Variants in BRIP1 observed in about 807,000 individuals in gnomAD.
The protein encoded by BRIP1 is Fanconi anemia group J protein.
Under a neutral mutation model 119.7 loss-of-function variants are expected in BRIP1, and 88 were observed. The observed-to-expected ratio is 0.74, with a 90% CI of 0.62 to 0.88. The LOEUF (loss-of-function observed/expected upper bound fraction) is 0.88. BRIP1 is among the 40% of genes least tolerant of loss of function. The probability of loss-of-function intolerance (pLI) is 0.00; values close to 1 mark genes in which losing one functional copy is unlikely to be tolerated. For missense variants in BRIP1, 1,259 were observed against 1,455.4 expected (o/e 0.87, Z 2.20); for synonymous variants, 443 against 496.5 (o/e 0.89, Z 1.43).
Position 61,757,057 on chromosome 17 carries a change from T to A in BRIP1, c.2098-12466A>T, listed in dbSNP as rs146567922. Among the ~76,000 whole-genome samples the A allele has an allele frequency of 1.1e-3, 168 of 152,344 alleles. 1 individual carries two copies. The highest frequency in any genetic ancestry group is 3.9e-3 in the African/African-American group (163 of 41,590). ...TTCATTTCATGAGGTACTCATATGT[T>A]TTAAATGTTTACTTTCTTTTATTCA... On this transcript the variant is annotated intron_variant, in intron 14 of 19. Coordinates refer to ENST00000259008, the MANE Select transcript of BRIP1 (RefSeq NM_032043.3). The surrounding 1 kb of genome is among the most constrained non-coding windows in gnomAD (Gnocchi z 4.3).
intron 16 of BRIP1, among the ~76,000 whole-genome samples, chr17:61,732,646 T>C (rs540549365): frequency 2.0e-5 from 3 of 152,328 alleles, no homozygotes; most frequent in Admixed American, 6.5e-5. Context: ...TTAAAAAAAG[T>C]TTGTTAAATG....
In BRIP1 at chr17:61,725,868, C is replaced by T. The variant is rs577143909; in HGVS notation, c.2380-9805G>A. The stretch of plus-strand genomic sequence containing the variant: ...TCTTGAACTCCTGGCCTCAAACAAT[C>T]CTCCTGTCTTGGCCTCCCAAAGCTG... On this transcript the variant is annotated intron_variant, in intron 16 of 19. Coordinates refer to ENST00000259008, the MANE Select transcript of BRIP1 (RefSeq NM_032043.3). This position sits in a 1 kb window ranked among gnomAD's most constrained non-coding sequence, Gnocchi z 5.3. 2.0e-5 allele frequency among the ~76,000 whole-genome samples: 3 copies of T among 152,312 alleles called. No homozygotes were observed. The South Asian group carries it at 6.2e-4, about 32-fold the overall frequency.
intron 14 of BRIP1, among the ~76,000 whole-genome samples, chr17:61,771,562 C>A (rs1233988053): frequency 6.6e-6 from 1 of 152,090 alleles, no homozygotes; most frequent in Non-Finnish European, 1.5e-5. Flanking sequence ...CATAAAATAA[C>A]AAGTATTGGC....
chr17:61,687,728 C>T lies in BRIP1; in HGVS notation c.2576-1563G>A, dbSNP rs189696480. Among the ~76,000 whole-genome samples the T allele has an allele frequency of 5.3e-5, 8 of 151,988 alleles. No homozygotes were observed. Among genetic ancestry groups the T allele is most frequent in the South Asian group, 4.2e-4 (2 of 4,806 alleles). ...ACTGTTTACTGTTGGATGAAACCAT[C>T]GAGTGAGAAAAAAATGATACTACTG... On this transcript the variant is annotated intron_variant, in intron 18 of 19. Transcript: ENST00000259008. The surrounding 1 kb of genome is among the most constrained non-coding windows in gnomAD (Gnocchi z 5.1).
chr17:61,817,294 G>A (rs952797099), intron 6 of BRIP1, among the ~76,000 whole-genome samples: 1 of 152,098 alleles, frequency 6.6e-6, no homozygotes, highest in Non-Finnish European at 1.5e-5. Context: ...TTTATGATAT[G>A]TACACTTGGT....
chr17:61,689,710 T>TC lies in BRIP1; in HGVS notation c.2576-3546dup, dbSNP rs1197861119. 3.9e-5 allele frequency among the ~76,000 whole-genome samples: 6 copies of TC among 152,148 alleles called. No individual in the cohort carries two copies. Among genetic ancestry groups the TC allele is most frequent in the Non-Finnish European group, 7.4e-5 (5 of 68,020 alleles). The stretch of plus-strand genomic sequence containing the variant: ...AGCAACTTGTCATATACAAATGAAG[T>TC]CCCATAAGACAGTCACTAGGCCGGG... On this transcript the variant is annotated intron_variant, in intron 18 of 19. Coordinates refer to ENST00000259008, the MANE Select transcript of BRIP1 (RefSeq NM_032043.3). The surrounding 1 kb of genome is among the most constrained non-coding windows in gnomAD (Gnocchi z 4.5).
At position 61,703,087 on chromosome 17, in the gene BRIP1, C is replaced by T. The variant is rs1179496273; in HGVS notation, c.2493-9575G>A. On this transcript the variant is annotated intron_variant, in intron 17 of 19. Coordinates refer to ENST00000259008, the MANE Select transcript of BRIP1 (RefSeq NM_032043.3). This position sits in a 1 kb window ranked among gnomAD's most constrained non-coding sequence, Gnocchi z 5.0. Reference sequence around the variant, plus strand: ...TTTTGTTTGTTTGTTTGTTTTGAGACAGAGTCTCACTCTATTGCCCAGGCT... The same window carrying T: ...TTTTGTTTGTTTGTTTGTTTTGAGATAGAGTCTCACTCTATTGCCCAGGCT... Among the ~76,000 whole-genome samples the T allele has an allele frequency of 5.3e-5, 8 of 150,974 alleles. No homozygotes were observed. Among genetic ancestry groups the T allele is most frequent in the Non-Finnish European group, 1.0e-4 (7 of 67,910 alleles).
chr17:61,697,003 AGGG>A (rs748286552), intron 17 of BRIP1, among the ~76,000 whole-genome samples: 1 of 121,304 alleles, frequency 8.2e-6, no homozygotes, highest in South Asian at 2.8e-4. Context: ...AAAAAAAAAA[AGGG>A]GGGGGGAAGT....
rs1294175460 is a variant in BRIP1, at chr17:61,810,532, T to G, written c.628-1775A>C. 6.6e-6 allele frequency among the ~76,000 whole-genome samples: 1 copy of G among 152,206 alleles called. No homozygotes were observed. Among genetic ancestry groups the G allele is most frequent in the Non-Finnish European group, 1.5e-5 (1 of 68,028 alleles). ...TCTCTTCCTTATGATACAGTTAAAT[T>G]CATGTGAATACTAGAATGCTATGGC... is the stretch of plus-strand genomic sequence containing the variant. On this transcript the variant is annotated intron_variant, in intron 6 of 19. Coordinates refer to ENST00000259008, the MANE Select transcript of BRIP1 (RefSeq NM_032043.3). This position sits in a 1 kb window ranked among gnomAD's most constrained non-coding sequence, Gnocchi z 4.7.
Position 61,767,917 on chromosome 17 carries a change from T to C in BRIP1, c.2097+8484A>G, listed in dbSNP as rs1403854710. Among the ~76,000 whole-genome samples, 2 of 152,174 alleles carry C rather than the reference T, an allele frequency of 1.3e-5. No individual in the cohort carries two copies. The highest frequency in any genetic ancestry group is 4.8e-5 in the African/African-American group (2 of 41,460). On this transcript the variant is annotated intron_variant, in intron 14 of 19. Coordinates refer to ENST00000259008, the MANE Select transcript of BRIP1 (RefSeq NM_032043.3). This position sits in a 1 kb window ranked among gnomAD's most constrained non-coding sequence, Gnocchi z 5.7. ...TAGAAATCTATCCACCTTTCTTTAATACCCACTGAAATATCAACCACCTCC... is the reference window on the plus strand; with the variant it reads ...TAGAAATCTATCCACCTTTCTTTAACACCCACTGAAATATCAACCACCTCC...
At position 61,738,236 on chromosome 17, in the gene BRIP1, G is replaced by T. The variant is rs1165614937; in HGVS notation, c.2379+4777C>A. Among the ~76,000 whole-genome samples, 1 of 152,166 alleles carries T rather than the reference G, an allele frequency of 6.6e-6. No homozygotes were observed. Among genetic ancestry groups the T allele is most frequent in the African/African-American group, 2.4e-5 (1 of 41,444 alleles). ...CAGAGATGTATGACCTGTAATAAAT[G>T]ATTGCTGTTTTAAGTCACTAAGTTT... On this transcript the variant is annotated intron_variant, in intron 16 of 19. Coordinates refer to ENST00000259008, the MANE Select transcript of BRIP1 (RefSeq NM_032043.3). This position sits in a 1 kb window ranked among gnomAD's most constrained non-coding sequence, Gnocchi z 4.2.
intron 17 of BRIP1, among the ~76,000 whole-genome samples, chr17:61,696,672 G>A (rs2061525806): frequency 7.0e-6 from 1 of 142,822 alleles, no homozygotes; most frequent in Non-Finnish European, 1.5e-5. Flanking sequence ...GTGACAGAGT[G>A]AGACTTTGTC....
Position 61,816,830 on chromosome 17 carries a change from G to T in BRIP1, c.628-8073C>A, listed in dbSNP as rs1011712186. Among the ~76,000 whole-genome samples, 1 of 152,144 alleles carries T rather than the reference G, an allele frequency of 6.6e-6. No homozygotes were observed. Among genetic ancestry groups the T allele is most frequent in the Non-Finnish European group, 1.5e-5 (1 of 68,010 alleles). On this transcript the variant is annotated intron_variant, in intron 6 of 19. Coordinates refer to ENST00000259008, the MANE Select transcript of BRIP1 (RefSeq NM_032043.3). This position sits in a 1 kb window ranked among gnomAD's most constrained non-coding sequence, Gnocchi z 5.0. ...GGCGGAAAATATCTTCTTTAAATAA[G>T]AATGCCAGCTAAGAATTGTAAATAA...
chr17:61,747,710 A>AATTTTTT (rs1297961118), intron 14 of BRIP1, among the ~76,000 whole-genome samples: 1 of 152,008 alleles, frequency 6.6e-6, no homozygotes, highest in Non-Finnish European at 1.5e-5. Context: ...TAATTTTATT[A>AATTTTTT]ATTTTTTATT....
In BRIP1 at chr17:61,707,941, GGTTCA is replaced by G. The variant is rs1246085099; in HGVS notation, c.2492+8005_2492+8009del. On this transcript the variant is annotated intron_variant, in intron 17 of 19. Coordinates refer to ENST00000259008, the MANE Select transcript of BRIP1 (RefSeq NM_032043.3). ...GGCTCACTGCAACCTCCGCCTCCCA[GGTTCA>G]AGTGATTCTCCTGCCTCAGCCTCCT... Among the ~76,000 whole-genome samples, 9 of 151,608 alleles carry G rather than the reference GGTTCA, an allele frequency of 5.9e-5. No individual in the cohort carries two copies. In the East Asian group the frequency reaches 1.7e-3, roughly 29 times the overall value.
intron 5 of BRIP1, among the ~76,000 whole-genome samples, chr17:61,847,962 A>G (rs1477291868): frequency 6.6e-6 from 1 of 152,182 alleles, no homozygotes; most frequent in African/African-American, 2.4e-5. Flanking sequence ...GGAAATCTCT[A>G]TAGGTTCACA....
chr17:61,752,835 G>T lies in BRIP1; in HGVS notation c.2098-8244C>A, dbSNP rs1242416849. ...AAAATTAAAATGAGTAAGATATGGT[G>T]TTGGATGGGACATGACAGGGAAGGG... On this transcript the variant is annotated intron_variant, in intron 14 of 19. Transcript: ENST00000259008. The surrounding 1 kb of genome is among the most constrained non-coding windows in gnomAD (Gnocchi z 6.2). 6.6e-6 allele frequency among the ~76,000 whole-genome samples: 1 copy of T among 152,158 alleles called. No homozygotes were observed. Among genetic ancestry groups the T allele is most frequent in the Admixed American group, 6.6e-5 (1 of 15,254 alleles).
rs1262357449 is a variant in BRIP1 at position 61,846,368 on chromosome 17, CA to C, written c.627+732del. 6.6e-6 allele frequency among the ~76,000 whole-genome samples: 1 copy of C among 151,528 alleles called. No individual in the cohort carries two copies. Among genetic ancestry groups the C allele is most frequent in the African/African-American group, 2.4e-5 (1 of 41,272 alleles). ...CACCAGTACAAATGTCAAGACAATC[CA>C]AAAGGCAATAATGTATTTTTTCCTT... On this transcript the variant is annotated intron_variant, in intron 6 of 19. Transcript: ENST00000259008. The surrounding 1 kb of genome is among the most constrained non-coding windows in gnomAD (Gnocchi z 4.3).
At chr17:61,830,252 G>GCT (rs2078471515) in intron 6 of BRIP1, among the ~76,000 whole-genome samples, 2 of 149,674 alleles carry the variant, frequency 1.3e-5, no homozygotes, top group East Asian at 3.9e-4. Flanking sequence ...ATCTTATGAA[G>GCT]CTAGCAGAAG....
Sources: allele counts gnomAD v4.1 joint callset (sites outside exome capture counted in the v4.1 genomes callset), GRCh38; gene constraint gnomAD v4.1.1; non-coding constraint Gnocchi (gnomAD v3.1); transcripts MANE v1.5; gene names NCBI Gene and HGNC (gene_info 2026-07-23, HGNC 2026-07-21).